Variants in ZFPM2 observed in about 807,000 individuals in gnomAD.
ZFPM2 encodes zinc finger protein ZFPM2.
ZFPM2 carries 20 observed loss-of-function variants against 98.6 expected under a neutral mutation model. The observed-to-expected ratio is 0.20, with a 90% CI of 0.14 to 0.29. The LOEUF is 0.29. ZFPM2 is among the 10% of genes least tolerant of loss of function. The pLI is 1.00. For missense variants in ZFPM2, 1,310 were observed against 1,388.6 expected (o/e 0.94, Z 0.90); for synonymous variants, 518 against 502.7 (o/e 1.03, Z -0.41).
intron 6 of ZFPM2, among the ~76,000 whole-genome samples, chr8:105,793,306 G>T (rs1029033088): frequency 4.6e-5 from 7 of 151,936 alleles, no homozygotes. Flanking sequence ...CTCAGCATTT[G>T]CTTGTCTGTA....
intron 3 of ZFPM2, among the ~76,000 whole-genome samples, chr8:105,540,157 AT>A (rs1344914924): frequency 6.6e-6 from 1 of 152,018 alleles, no homozygotes; most frequent in Non-Finnish European, 1.5e-5. Flanking sequence ...GTGAAAGCCT[AT>A]TTTTTAGAAT....
chr8:105,572,891 G>A (rs1265569444), intron 4 of ZFPM2, among the ~76,000 whole-genome samples: 1 of 152,120 alleles, frequency 6.6e-6, no homozygotes, highest in Non-Finnish European at 1.5e-5. Flanking sequence ...GTGCCATTTT[G>A]TATCACTTTC....
intron 3 of ZFPM2, among the ~76,000 whole-genome samples, chr8:105,451,362 C>T (rs1812480868): frequency 6.6e-6 from 1 of 152,152 alleles, no homozygotes; most frequent in Non-Finnish European, 1.5e-5. Context: ...GAAGCTCCCT[C>T]TCTAAAACTT....
chr8:105,513,213 G>A (rs999447864), intron 3 of ZFPM2, among the ~76,000 whole-genome samples: 1 of 152,030 alleles, frequency 6.6e-6, no homozygotes, highest in African/African-American at 2.4e-5. Flanking sequence ...TCTTTAGATT[G>A]GACAGAATTT....
chr8:105,410,369 A>T (rs1317905907), intron 1 of ZFPM2, among the ~76,000 whole-genome samples: 4 of 151,880 alleles, frequency 2.6e-5, no homozygotes, highest in Non-Finnish European at 5.9e-5. Context: ...ACGATTTAAG[A>T]AACTTGGTCG....
Position 105,801,337 on chromosome 8 carries a change from G to A in ZFPM2, c.1255G>A (p.Glu419Lys), listed in dbSNP as rs374581095. 34 of 1,613,862 alleles carry A rather than the reference G, an allele frequency of 2.1e-5. No individual in the cohort carries two copies. The highest frequency in any genetic ancestry group is 1.6e-4 in the Middle Eastern group (1 of 6,062). The change falls in exon 8 of 8, where the codon GAA becomes AAA. Residue 419 changes from glutamate to lysine, a missense_variant. Transcript: ENST00000407775. ...QPATDLLTRS[E>K]LPQSQKAMQT... is the part of the protein sequence containing the mutation. ...AGCCACAGACTTATTGACCAGAAGC[G>A]AACTTCCCCAGAGCCAAAAGGCCAT...
At chr8:105,359,692 A>G (rs955780654) in intron 1 of ZFPM2, among the ~76,000 whole-genome samples, 8 of 151,986 alleles carry the variant, frequency 5.3e-5, no homozygotes, top group African/African-American at 1.4e-4. Context: ...GGGTATTTCT[A>G]TATAGCAGTA....
chr8:105,345,813 A>G (rs775874514), intron 1 of ZFPM2, among the ~76,000 whole-genome samples: 1 of 152,180 alleles, frequency 6.6e-6, no homozygotes, highest in Non-Finnish European at 1.5e-5. Context: ...ACCTGTTTCT[A>G]ACTCTCAAAT....
At chr8:105,436,207 T>C (rs915654709) in intron 2 of ZFPM2, among the ~76,000 whole-genome samples, 2 of 152,100 alleles carry the variant, frequency 1.3e-5, no homozygotes, top group Non-Finnish European at 2.9e-5. Flanking sequence ...GAAGATCAAA[T>C]TCGTTAACCA....
intron 5 of ZFPM2, among the ~76,000 whole-genome samples, chr8:105,655,363 C>G (rs901121716): frequency 9.2e-5 from 14 of 151,428 alleles, no homozygotes; most frequent in African/African-American, 3.4e-4. Flanking sequence ...ATCTGAGTAG[C>G]TGGGATTACA....
At chr8:105,637,689 G>A (rs1374189220) in intron 5 of ZFPM2, among the ~76,000 whole-genome samples, 1 of 151,986 alleles carries the variant, frequency 6.6e-6, no homozygotes, top group African/African-American at 2.4e-5. Context: ...ACTAGGGATT[G>A]TTTGGATCAT....
chr8:105,401,178 G>GT (rs924398262), intron 1 of ZFPM2, among the ~76,000 whole-genome samples: 1 of 151,276 alleles, frequency 6.6e-6, no homozygotes, highest in African/African-American at 2.4e-5. Context: ...AATTCTAGGA[G>GT]TTTTTTACTG....
intron 5 of ZFPM2, among the ~76,000 whole-genome samples, chr8:105,761,381 A>C (rs904381301): frequency 6.6e-6 from 1 of 152,046 alleles, no homozygotes; most frequent in African/African-American, 2.4e-5. Context: ...GATGAAAATT[A>C]TCTCTTATTT....
intron 5 of ZFPM2, among the ~76,000 whole-genome samples, chr8:105,756,472 G>A (rs756339403): frequency 6.6e-6 from 1 of 152,122 alleles, no homozygotes; most frequent in Non-Finnish European, 1.5e-5. Flanking sequence ...GGGCAGTCAA[G>A]GCTTTCAAGC....
intron 1 of ZFPM2, among the ~76,000 whole-genome samples, chr8:105,354,879 G>A (rs1208876527): frequency 1.3e-5 from 2 of 152,036 alleles, no homozygotes; most frequent in African/African-American, 2.4e-5. Flanking sequence ...GCATGAACCC[G>A]GGTGGCGGAG....
intron 5 of ZFPM2, among the ~76,000 whole-genome samples, chr8:105,644,714 T>C (rs1817009952): frequency 6.6e-6 from 1 of 152,174 alleles, no homozygotes; most frequent in African/African-American, 2.4e-5. Flanking sequence ...GCTGGCAGTT[T>C]CACACTTGGT....
rs1441320153 is a variant in ZFPM2, at chr8:105,320,513, CAATT to C, written c.40+1533_40+1536del. On this transcript the variant is annotated intron_variant, in intron 1 of 7. Coordinates refer to ENST00000407775, the MANE Select transcript of ZFPM2 (RefSeq NM_012082.4). ...CAATTGCCTTGTAGTTTTTAGGACT[CAATT>C]GATCAGATTCCTCTGTTTAAATGTT... Among the ~76,000 whole-genome samples, 8 of 152,138 alleles carry C rather than the reference CAATT, an allele frequency of 5.3e-5. 1 individual carries two copies. Among genetic ancestry groups the C allele is most frequent in the African/African-American group, 7.2e-5 (3 of 41,430 alleles).
intron 5 of ZFPM2, among the ~76,000 whole-genome samples, chr8:105,667,895 T>G (rs1299581072): frequency 6.6e-6 from 1 of 152,220 alleles, no homozygotes; most frequent in Non-Finnish European, 1.5e-5. Context: ...TTGATTTCTA[T>G]TGTGATACAC....
chr8:105,576,364 T>G (rs189218229), intron 4 of ZFPM2, among the ~76,000 whole-genome samples: 1 of 152,254 alleles, frequency 6.6e-6, no homozygotes, highest in East Asian at 1.9e-4. Context: ...GGTTGTCAGA[T>G]GAGTGAATGA....
Sources: gnomAD v4.1 joint callset for allele counts (sites outside exome capture counted in the v4.1 genomes callset) on GRCh38, gnomAD v4.1.1 for gene constraint, MANE v1.5 for transcripts, NCBI Gene and HGNC (gene_info 2026-07-23, HGNC 2026-07-21) for gene names.